The following NFIB variants were observed in gnomAD, a reference collection of about 807,000 sequenced individuals.
The protein encoded by NFIB is nuclear factor I B.
NFIB carries 11 observed loss-of-function variants against 61.5 expected under a neutral mutation model. The observed-to-expected ratio is 0.18, with a 90% CI of 0.11 to 0.30. The LOEUF is 0.30. Among genes scored for constraint, NFIB ranks in the 10% least tolerant of loss-of-function variants. NFIB has a pLI of 1.00. For missense variants in NFIB, 471 were observed against 608.9 expected (o/e 0.77, Z 2.38); for synonymous variants, 260 against 216.5 (o/e 1.20, Z -1.76).
At chr9:14,248,741 G>T (rs1297756612) in intron 2 of NFIB, among the ~76,000 whole-genome samples, 1 of 152,176 alleles carries the variant, frequency 6.6e-6, no homozygotes. Context: ...TTCAGCAACA[G>T]GTTCAGGGGT....
At chr9:14,199,461 C>T (rs750348862) in intron 2 of NFIB, among the ~76,000 whole-genome samples, 2 of 152,240 alleles carry the variant, frequency 1.3e-5, no homozygotes, top group South Asian at 4.1e-4. Context: ...AGACCCTAAT[C>T]TACTTAAACA....
chr9:14,439,136 C>G, the NFIB span, among the ~76,000 whole-genome samples: 2 of 152,160 alleles, frequency 1.3e-5, no homozygotes, highest in Admixed American at 1.3e-4. Flanking sequence ...TTTGGGAGGC[C>G]GAGACAAGAG....
At chr9:14,343,205 T>C (rs2060973356) in intron 1 of NFIB, among the ~76,000 whole-genome samples, 1 of 152,194 alleles carries the variant, frequency 6.6e-6, no homozygotes, top group South Asian at 2.1e-4. Flanking sequence ...TTACTGTAAG[T>C]CAACCATCCT....
At chr9:14,289,265 T>C (rs962647993) in intron 2 of NFIB, among the ~76,000 whole-genome samples, 6 of 150,744 alleles carry the variant, frequency 4.0e-5, no homozygotes, top group Admixed American at 3.3e-4. Flanking sequence ...CACACACATA[T>C]ACATGTACAT....
chr9:14,511,552 T>A, the NFIB span, among the ~76,000 whole-genome samples: 2 of 152,180 alleles, frequency 1.3e-5, no homozygotes, highest in African/African-American at 4.8e-5. Flanking sequence ...TTACTTCTAC[T>A]TTTTTACACA....
intron 2 of NFIB, among the ~76,000 whole-genome samples, chr9:14,291,926 T>G (rs975594203): frequency 6.6e-6 from 1 of 152,152 alleles, no homozygotes; most frequent in Non-Finnish European, 1.5e-5. Flanking sequence ...TTGGTATTAG[T>G]TGAGTGCAAT....
the NFIB span, among the ~76,000 whole-genome samples, chr9:14,530,822 A>T: frequency 2.6e-5 from 4 of 152,102 alleles, no homozygotes; most frequent in African/African-American, 9.7e-5. Flanking sequence ...TTGTGAGAAA[A>T]ACGGCCCTTG....
At chr9:14,509,312 T>C in the NFIB span, among the ~76,000 whole-genome samples, 1 of 152,224 alleles carries the variant, frequency 6.6e-6, no homozygotes, top group Non-Finnish European at 1.5e-5. Flanking sequence ...TTCTGCAGAA[T>C]ATGAATGATA....
intron 6 of NFIB, among the ~76,000 whole-genome samples, chr9:14,132,661 G>T (rs1350839979): frequency 6.6e-6 from 1 of 151,902 alleles, no homozygotes; most frequent in African/African-American, 2.4e-5. Flanking sequence ...TCAAACTCCT[G>T]GGTTCAAGCG....
At chr9:14,216,013 T>C (rs4741347) in intron 2 of NFIB, among the ~76,000 whole-genome samples, 1 of 152,188 alleles carries the variant, frequency 6.6e-6, no homozygotes, top group Admixed American at 6.5e-5. Context: ...TCATCATCAC[T>C]CTTGGTAATG....
intron 2 of NFIB, among the ~76,000 whole-genome samples, chr9:14,195,267 T>C (rs2048352287): frequency 6.6e-6 from 1 of 152,212 alleles, no homozygotes; most frequent in South Asian, 2.1e-4. Context: ...CCTTCATCCA[T>C]CTGCAAAGCT....
the NFIB span, among the ~76,000 whole-genome samples, chr9:14,462,447 TA>T: frequency 6.6e-6 from 1 of 152,030 alleles, no homozygotes; most frequent in Non-Finnish European, 1.5e-5. Flanking sequence ...CACGCCCGGC[TA>T]ATTTTTTGTA....
chr9:14,330,978 A>G (rs1222811892), intron 1 of NFIB, among the ~76,000 whole-genome samples: 1 of 152,110 alleles, frequency 6.6e-6, no homozygotes, highest in African/African-American at 2.4e-5. Flanking sequence ...TAGATATGCA[A>G]GCTTTTTCGG....
At chr9:14,118,752 G>A (rs932982948) in intron 8 of NFIB, among the ~76,000 whole-genome samples, 3 of 148,834 alleles carry the variant, frequency 2.0e-5, no homozygotes, top group South Asian at 2.1e-4. Flanking sequence ...TTTTTTTGTT[G>A]CTAGTTTTTC....
At chr9:14,417,180 C>T in the NFIB span, among the ~76,000 whole-genome samples, 1 of 152,138 alleles carries the variant, frequency 6.6e-6, no homozygotes, top group African/African-American at 2.4e-5. Context: ...TGTGAGCCAC[C>T]ACACCCGGCC....
chr9:14,295,397 C>G (rs1247285551), intron 2 of NFIB, among the ~76,000 whole-genome samples: 1 of 151,914 alleles, frequency 6.6e-6, no homozygotes, highest in Non-Finnish European at 1.5e-5. Context: ...AGGCCCAAGG[C>G]GGGCAGATCA....
At chr9:14,154,169 G>C (rs1225754944) in intron 4 of NFIB, among the ~76,000 whole-genome samples, 1 of 152,056 alleles carries the variant, frequency 6.6e-6, no homozygotes, top group Non-Finnish European at 1.5e-5. Flanking sequence ...GGCTTTTGAA[G>C]GTTCTAATGT....
At chr9:14,378,505 C>T (rs771013914) in intron 1 of NFIB, among the ~76,000 whole-genome samples, 16 of 152,114 alleles carry the variant, frequency 1.1e-4, no homozygotes, top group African/African-American at 1.4e-4. Flanking sequence ...TATAGGCACG[C>T]GCCACCACGC....
At chr9:14,489,572 G>A in the NFIB span, among the ~76,000 whole-genome samples, 5 of 151,994 alleles carry the variant, frequency 3.3e-5, no homozygotes, top group African/African-American at 4.8e-5. Context: ...CACAAAAGAA[G>A]GACATTAAGA....
Sources: gnomAD v4.1 joint callset for allele counts (sites outside exome capture counted in the v4.1 genomes callset) on GRCh38, gnomAD v4.1.1 for gene constraint, MANE v1.5 for transcripts, NCBI Gene and HGNC (gene_info 2026-07-23, HGNC 2026-07-21) for gene names.